SH3GL1: variants seen among roughly 807,000 people sequenced by gnomAD.
SH3GL1 encodes SH3 domain containing GRB2 like 1, endophilin A2.
A neutral mutation model predicts 48.8 loss-of-function variants in SH3GL1; 21 were observed. The observed-to-expected ratio is 0.43, with a 90% CI of 0.30 to 0.62. The LOEUF (loss-of-function observed/expected upper bound fraction) is 0.62. SH3GL1 is among the 20% of genes least tolerant of loss of function. The pLI is 0.11. For synonymous variants in SH3GL1, 282 were observed against 217.5 expected (o/e 1.30, Z -2.61); for missense variants, 454 against 503.0 (o/e 0.90, Z 0.93).
chr19:4,394,867 T>TATA (rs1973398278), intron 1 of SH3GL1, among the ~76,000 whole-genome samples: 1 of 152,238 alleles, frequency 6.6e-6, no homozygotes, highest in Admixed American at 6.5e-5. Context: ...AGCTGTCCTA[T>TATA]GCATTGTAGG....
chr19:4,399,412 A>G (rs1973481216), intron 1 of SH3GL1, among the ~76,000 whole-genome samples: 1 of 150,770 alleles, frequency 6.6e-6, no homozygotes, highest in Non-Finnish European at 1.5e-5. Flanking sequence ...GGAAGGAAAG[A>G]AGAGAAGGGA....
rs372860961 is a variant in SH3GL1, at chr19:4,376,134, G to C, written c.46-9140C>G. Among the ~76,000 whole-genome samples, 150 of 152,304 alleles carry C rather than the reference G, an allele frequency of 9.8e-4. No individual in the cohort carries two copies. Among genetic ancestry groups the C allele is most frequent in the African/African-American group, 3.4e-3 (143 of 41,564 alleles). On this transcript the variant is annotated intron_variant, in intron 1 of 9. Coordinates refer to ENST00000269886, the MANE Select transcript of SH3GL1 (RefSeq NM_003025.4). This position sits in a 1 kb window ranked among gnomAD's most constrained non-coding sequence, Gnocchi z 4.3. The stretch of plus-strand genomic sequence containing the variant: ...CCGTGAGTTCCCTCACTCCCTGAGA[G>C]CTGAGGAGACTTGCCCGAAAGCCCA...
At chr19:4,396,438 GCTAT>G (rs1173981912) in intron 1 of SH3GL1, among the ~76,000 whole-genome samples, 2 of 151,912 alleles carry the variant, frequency 1.3e-5, no homozygotes, top group Admixed American at 6.6e-5. Context: ...TACACATGTG[GCTAT>G]CTGTGTTTAG....
Position 4,373,233 on chromosome 19 carries a change from A to G in SH3GL1, c.46-6239T>C, listed in dbSNP as rs530296601. On this transcript the variant is annotated intron_variant, in intron 1 of 9. Transcript: ENST00000269886. Reference sequence around the variant, plus strand: ...ATCAGACGGCAGAAACCCACTCCCCAGCCCAAGGGAAGATGGAGGGAGCCT... The same window carrying G: ...ATCAGACGGCAGAAACCCACTCCCCGGCCCAAGGGAAGATGGAGGGAGCCT... 8.5e-5 allele frequency among the ~76,000 whole-genome samples: 13 copies of G among 152,278 alleles called. No individual in the cohort carries two copies. In the South Asian group the frequency reaches 2.7e-3, roughly 32 times the overall value.
chr19:4,380,733 T>C (rs377390261), intron 1 of SH3GL1, among the ~76,000 whole-genome samples: 16 of 152,326 alleles, frequency 1.1e-4, no homozygotes, highest in East Asian at 9.6e-4. Context: ...TAGCATGTTC[T>C]GTGTAAACCT....
intron 1 of SH3GL1, among the ~76,000 whole-genome samples, chr19:4,387,340 C>T (rs960118026): frequency 5.3e-5 from 8 of 152,094 alleles, no homozygotes; most frequent in Admixed American, 3.9e-4. Flanking sequence ...GCTCTGTTGC[C>T]CAGGCTGGAG....
intron 4 of SH3GL1, among the ~76,000 whole-genome samples, chr19:4,365,264 T>C (rs1972748613): frequency 6.6e-6 from 1 of 152,086 alleles, no homozygotes; most frequent in African/African-American, 2.4e-5. Flanking sequence ...TGGCTTGAGT[T>C]GGGGAAGGTC....
In SH3GL1 at chr19:4,400,193, C is replaced by T. The variant is rs1232318466; in HGVS notation, c.45+131G>A. 2.2e-5 allele frequency: 22 copies of T among 999,510 alleles called. No individual in the cohort carries two copies. Among genetic ancestry groups the T allele is most frequent in the Non-Finnish European group, 2.8e-5 (20 of 704,876 alleles). The allele number at this position is 999,510 out of a possible 1,614,324, so 61.9% of individuals were successfully genotyped here. A position where few individuals can be genotyped will look rare whatever the true frequency, so the allele number is the denominator to read the frequency against. On this transcript the variant is annotated intron_variant, in intron 1 of 9. Coordinates refer to ENST00000269886, the MANE Select transcript of SH3GL1 (RefSeq NM_003025.4). The surrounding 1 kb of genome is among the most constrained non-coding windows in gnomAD (Gnocchi z 4.1). Reference sequence around the variant, plus strand: ...CCCCGTCCGTCCCTTGGTCTTCCCACCTGGCAGGGGACACGCGCCAACGTC... The same window carrying T: ...CCCCGTCCGTCCCTTGGTCTTCCCATCTGGCAGGGGACACGCGCCAACGTC...
At chr19:4,375,215 C>T (rs1357163687) in intron 1 of SH3GL1, among the ~76,000 whole-genome samples, 1 of 152,068 alleles carries the variant, frequency 6.6e-6, no homozygotes, top group African/African-American at 2.4e-5. Context: ...GTGGACAGAG[C>T]CAGCCGGGCC....
intron 1 of SH3GL1, among the ~76,000 whole-genome samples, chr19:4,368,964 C>G (rs938616496): frequency 2.6e-5 from 4 of 152,016 alleles, no homozygotes; most frequent in African/African-American, 9.7e-5. Context: ...CCCAGCTACT[C>G]GGGAGGCTGA....
intron 1 of SH3GL1, among the ~76,000 whole-genome samples, chr19:4,382,188 T>C (rs978216440): frequency 6.6e-6 from 1 of 151,422 alleles, no homozygotes; most frequent in Admixed American, 6.6e-5. Flanking sequence ...TCAACAGCTA[T>C]CTCTTGTTCT....
chr19:4,371,070 G>C (rs150091087), intron 1 of SH3GL1, among the ~76,000 whole-genome samples: 1 of 152,262 alleles, frequency 6.6e-6, no homozygotes, highest in Non-Finnish European at 1.5e-5. Context: ...AAACGAGCAA[G>C]CTGGACACGA....
intron 1 of SH3GL1, among the ~76,000 whole-genome samples, chr19:4,384,996 C>G (rs766454498): frequency 9.3e-5 from 14 of 149,750 alleles, no homozygotes; most frequent in Non-Finnish European, 1.6e-4. Context: ...CCCAGCTACT[C>G]GGGAGGCTGA....
At position 4,363,840 on chromosome 19, in the gene SH3GL1, A is replaced by G. The variant is rs753253327; in HGVS notation, c.504T>C (p.Phe168=). 1.2e-6 allele frequency: 2 copies of G among 1,613,224 alleles called. No homozygotes were observed. The highest frequency in any genetic ancestry group is 1.7e-6 in the Non-Finnish European group (2 of 1,180,026). The change falls in exon 6 of 10, where the codon TTT becomes TTC. Residue 168 remains phenylalanine, a synonymous_variant. Transcript: ENST00000269886. ...TGCCCTGCCGCTTCTTCTTGTAGTC[A>G]AAGTCCAGGCGGCGGCCCTCCAGTT... ...LKKLEGRRLD[F]DYKKKRQGKI...
chr19:4,385,089 A>G (rs1487464200), intron 1 of SH3GL1, among the ~76,000 whole-genome samples: 3 of 143,632 alleles, frequency 2.1e-5, no homozygotes, highest in Admixed American at 1.4e-4. Context: ...GGGTGACGAG[A>G]GACTCCATCT....
At chr19:4,392,676 G>A (rs1036908376) in intron 1 of SH3GL1, among the ~76,000 whole-genome samples, 7 of 151,710 alleles carry the variant, frequency 4.6e-5, no homozygotes, top group African/African-American at 1.5e-4. Context: ...GGCCGGGCAC[G>A]TGGCTCAGGC....
chr19:4,378,380 G>A (rs964355800), intron 1 of SH3GL1, among the ~76,000 whole-genome samples: 12 of 151,932 alleles, frequency 7.9e-5, no homozygotes, highest in Admixed American at 2.0e-4. Context: ...TCTGAGCCTC[G>A]GTTTTCTCAA....
chr19:4,368,708 CCT>C (rs1183072909), intron 1 of SH3GL1, among the ~76,000 whole-genome samples: 12 of 152,304 alleles, frequency 7.9e-5, no homozygotes, highest in Middle Eastern at 3.4e-3. Flanking sequence ...GCCTCTGACC[CCT>C]GTCCCTTTCC....
At chr19:4,384,747 G>T (rs1478981198) in intron 1 of SH3GL1, among the ~76,000 whole-genome samples, 1 of 152,228 alleles carries the variant, frequency 6.6e-6, no homozygotes, top group Non-Finnish European at 1.5e-5. Context: ...AAGCCACGCA[G>T]CTGCGGATGC....
Sources: gnomAD v4.1 joint callset for allele counts (sites outside exome capture counted in the v4.1 genomes callset) on GRCh38, gnomAD v4.1.1 for gene constraint, Gnocchi (gnomAD v3.1) non-coding constraint, MANE v1.5 for transcripts, NCBI Gene and HGNC (gene_info 2026-07-23, HGNC 2026-07-21) for gene names.